Variants in PLEKHS1 observed in about 807,000 individuals in gnomAD.
PLEKHS1 encodes the protein pleckstrin homology domain-containing family S member 1.
PLEKHS1 carries 55 observed loss-of-function variants against 51.0 expected under a neutral mutation model. That is an observed-to-expected ratio of 1.08 (90% CI 0.87 to 1.35). PLEKHS1 has a LOEUF of 1.35. Among genes scored for constraint, PLEKHS1 ranks in the 40% most tolerant of loss-of-function variants. The pLI, the probability that PLEKHS1 is intolerant of heterozygous loss-of-function variation, is 0.00. For missense variants in PLEKHS1, 398 were observed against 423.0 expected, an observed-to-expected ratio of 0.94 and a Z score of 0.52; for synonymous variants, 153 against 144.8, an observed-to-expected ratio of 1.06 and a Z score of -0.41.
At chr10:113,779,675 C>T (rs1844810388) in intron 11 of PLEKHS1, among the ~76,000 whole-genome samples, 1 of 152,086 alleles carries the variant, frequency 6.6e-6, no homozygotes, top group Non-Finnish European at 1.5e-5. Context: ...AAGATCCAGG[C>T]ATTAATTCAG....
At chr10:113,765,659 C>A (rs997384918) in intron 2 of PLEKHS1, among the ~76,000 whole-genome samples, 1 of 152,216 alleles carries the variant, frequency 6.6e-6, no homozygotes, top group Non-Finnish European at 1.5e-5. Flanking sequence ...TCTATATTTT[C>A]TAAAATGTCT....
chr10:113,764,807 G>A (rs943264175), intron 2 of PLEKHS1: 2 of 152,304 alleles, frequency 1.3e-5, no homozygotes, highest in East Asian at 3.8e-4. Context: ...TATGTTGTTA[G>A]TTACAGTTGC....
chr10:113,752,807 A>G (rs1853909295), intron 1 of PLEKHS1, among the ~76,000 whole-genome samples: 1 of 152,208 alleles, frequency 6.6e-6, no homozygotes, highest in East Asian at 1.9e-4. Flanking sequence ...CTGGAAGGAC[A>G]GAGATGTCCT....
chr10:113,777,132 AGTGGG>A, intron 11 of PLEKHS1: 3 of 1,612,588 alleles, frequency 1.9e-6, no homozygotes, highest in Non-Finnish European at 2.5e-6. Flanking sequence ...AGTGTGTCTC[AGTGGG>A]AAGGCCCCCC....
At chr10:113,770,149 A>G (rs1472274084) in intron 7 of PLEKHS1, among the ~76,000 whole-genome samples, 1 of 152,178 alleles carries the variant, frequency 6.6e-6, no homozygotes, top group East Asian at 1.9e-4. Context: ...ATGCTAGGGT[A>G]AGACCCCTTT....
chr10:113,780,787 C>T, exon 12 of PLEKHS1: 1 of 1,541,758 alleles, frequency 6.5e-7, no homozygotes, highest in Non-Finnish European at 8.7e-7. Flanking sequence ...AGTAACGCAC[C>T]CCAGACCCAT....
intron 11 of PLEKHS1, 102 bp downstream of exon 12, chr10:113,777,361 G>T (rs1338135546): frequency 3.7e-6 from 6 of 1,608,612 alleles, no homozygotes; most frequent in Non-Finnish European, 4.2e-6. Flanking sequence ...TACAAATAAG[G>T]TTCCTCATTC....
chr10:113,779,840 T>C (rs2134593702), intron 11 of PLEKHS1, among the ~76,000 whole-genome samples: 1 of 152,348 alleles, frequency 6.6e-6, no homozygotes, highest in Middle Eastern at 3.4e-3. Flanking sequence ...TAACAGCCCC[T>C]ACATGCTATT....
intron 4 of PLEKHS1, among the ~76,000 whole-genome samples, 159 bp from the exon 5 acceptor site, chr10:113,767,186 A>G (rs1474879086): frequency 6.6e-6 from 1 of 152,254 alleles, no homozygotes; most frequent in African/African-American, 2.4e-5. Flanking sequence ...AATTAACCAG[A>G]TCAAAAAATC....
chr10:113,768,899 A>C lies in PLEKHS1; in HGVS notation c.435+9A>C. On this transcript the variant is annotated intron_variant, in intron 6 of 11. Coordinates refer to ENST00000361048, the Ensembl canonical transcript of PLEKHS1. ...CACAGCAGAACACAGAGGTGACTCCATATCACTAATAAAATAACAGGGCAC... is the reference window on the plus strand; with the variant it reads ...CACAGCAGAACACAGAGGTGACTCCCTATCACTAATAAAATAACAGGGCAC... The C allele has an allele frequency of 6.2e-7, 1 of 1,601,594 alleles. No homozygotes were observed. Among genetic ancestry groups the C allele is most frequent in the Non-Finnish European group, 8.5e-7 (1 of 1,174,494 alleles).
chr10:113,755,448 G>A, intron 2 of PLEKHS1, 143 bp downstream of exon 2: 3 of 1,381,690 alleles, frequency 2.2e-6, no homozygotes, highest in Non-Finnish European at 9.4e-7. Flanking sequence ...GTCTTGCTCT[G>A]TTGCGTAGGC....
chr10:113,775,922 G>T, intron 11 of PLEKHS1, 56 bp downstream of exon 11: 2 of 1,312,852 alleles, frequency 1.5e-6, no homozygotes, highest in South Asian at 2.7e-5. Flanking sequence ...GCTTTGAAGA[G>T]AACAATTACA....
In PLEKHS1 at chr10:113,769,871, A is replaced by G. The variant is rs371459850; in HGVS notation, c.523A>G (p.Ser175Gly). 6.2e-6 allele frequency: 10 copies of G among 1,613,764 alleles called. No homozygotes were observed. In the African/African-American group the frequency reaches 1.2e-4, roughly 19 times the overall value. Residue 175 changes from serine to glycine, a missense_variant, in exon 7 of 12, where the codon AGC (serine) becomes GGC (glycine). Physicochemically the swap from Ser to Gly is moderately conservative, Grantham distance 56. Coordinates refer to ENST00000361048, the Ensembl canonical transcript of PLEKHS1. ...CAGCACATCAGAGGCTGTTGGCTCC[A>G]GCTCACCAAGAAATGGTCTCCAAGA...
chr10:113,765,474 A>G (rs1357286781), intron 2 of PLEKHS1: 2 of 764,712 alleles, frequency 2.6e-6, no homozygotes, highest in Non-Finnish European at 4.9e-6. Flanking sequence ...CACATGTGTT[A>G]ATCGACACTC....
At chr10:113,778,294 C>T (rs1844760370) in intron 11 of PLEKHS1, among the ~76,000 whole-genome samples, 1 of 152,108 alleles carries the variant, frequency 6.6e-6, no homozygotes, top group Non-Finnish European at 1.5e-5. Flanking sequence ...ACTGGAGAAG[C>T]TTACATTTAT....
chr10:113,777,896 A>G (rs1480595011), intron 11 of PLEKHS1: 1 of 736,946 alleles, frequency 1.4e-6, no homozygotes, highest in African/African-American at 1.8e-5. Flanking sequence ...AGGCCAAGGC[A>G]GGAGAATCAA....
Position 113,767,603 on chromosome 10 carries a change from G to A in PLEKHS1, c.359+124G>A, listed in dbSNP as rs1009693883. ...CGCTACAAACCTCAAATGCCATCTT[G>A]GCAATCTTAGTTATTTTTAAAAATA... On this transcript the variant is annotated intron_variant, in intron 5 of 11. Transcript: ENST00000361048. 3.2e-6 allele frequency: 3 copies of A among 936,850 alleles called. No individual in the cohort carries two copies. In the East Asian group the frequency reaches 9.1e-5, roughly 29 times the overall value. The allele number at this position is 936,850 out of a possible 1,614,324, so 58.0% of individuals were successfully genotyped here.
At chr10:113,762,868 T>C (rs951225441) in intron 2 of PLEKHS1, among the ~76,000 whole-genome samples, 1 of 152,000 alleles carries the variant, frequency 6.6e-6, no homozygotes, top group Non-Finnish European at 1.5e-5. Context: ...TTCTTGCTGA[T>C]TTTCTACAAA....
chr10:113,764,097 T>C (rs550283031), intron 2 of PLEKHS1, among the ~76,000 whole-genome samples: 4 of 152,302 alleles, frequency 2.6e-5, no homozygotes, highest in African/African-American at 9.6e-5. Context: ...AAATATAGTT[T>C]GCTTGTTTGT....
Sources: allele counts gnomAD v4.1 joint callset (sites outside exome capture counted in the v4.1 genomes callset), GRCh38; gene constraint gnomAD v4.1.1; transcripts MANE v1.5; gene names NCBI Gene and HGNC (gene_info 2026-07-23, HGNC 2026-07-21).